Variants in SRRM4 observed in about 807,000 individuals in gnomAD.
SRRM4 encodes the protein serine/arginine repetitive matrix protein 4.
In SRRM4, 33 loss-of-function variants were observed where a neutral mutation model predicts 68.9. The ratio of observed to expected loss-of-function variants is 0.48; its 90% CI spans 0.36 to 0.64. The LOEUF (loss-of-function observed/expected upper bound fraction) is 0.64. Ranked by LOEUF, SRRM4 falls within the 30% of genes least tolerant of loss-of-function variation. The pLI is 0.00. For synonymous variants in SRRM4, 318 were observed against 318.8 expected, an observed-to-expected ratio of 1.00 and a Z score of 0.03; for missense variants, 817 against 827.1, an observed-to-expected ratio of 0.99 and a Z score of 0.15.
intron 1 of SRRM4, among the ~76,000 whole-genome samples, chr12:119,041,103 A>C (rs939063281): frequency 6.6e-6 from 1 of 152,110 alleles, no homozygotes; most frequent in East Asian, 1.9e-4. Context: ...TAAGTTTCTT[A>C]CATATATAAG....
At chr12:119,078,164 G>C (rs1477232270) in intron 1 of SRRM4, among the ~76,000 whole-genome samples, 4 of 152,096 alleles carry the variant, frequency 2.6e-5, no homozygotes, top group Non-Finnish European at 5.9e-5. Context: ...TCATGACTTT[G>C]GGAAAACTAT....
At position 119,125,371 on chromosome 12, in the gene SRRM4, TC is replaced by T. The variant is rs1277757018; in HGVS notation, c.516-4del. The T allele has an allele frequency of 3.1e-6, 5 of 1,608,936 alleles. No homozygotes were observed. The African/African-American group carries it at 4.0e-5, about 13-fold the overall frequency. On this transcript the variant is annotated splice_polypyrimidine_tract_variant and intron_variant, in intron 6 of 12. Coordinates refer to ENST00000267260, the MANE Select transcript of SRRM4 (RefSeq NM_194286.4). Reference sequence around the variant, plus strand: ...CTCTCCTCTGACTCGTTCCTTCTCATCCCCCCAAGATCTCGAAGCCGGCCCC... The same window carrying T: ...CTCTCCTCTGACTCGTTCCTTCTCATCCCCCAAGATCTCGAAGCCGGCCCC...
At chr12:119,080,540 A>C (rs1198519695) in intron 1 of SRRM4, among the ~76,000 whole-genome samples, 2 of 152,184 alleles carry the variant, frequency 1.3e-5, no homozygotes, top group Non-Finnish European at 1.5e-5. Context: ...TCAAGTCCTG[A>C]TGTTAATTCC....
chr12:119,130,606 G>A, intron 7 of SRRM4, 72 bp from the exon 8 acceptor site: 1 of 1,448,898 alleles, frequency 6.9e-7, no homozygotes, highest in Non-Finnish European at 9.3e-7. Flanking sequence ...CTCAGATCCT[G>A]TTGGTCCTGC....
intron 2 of SRRM4, among the ~76,000 whole-genome samples, chr12:119,112,276 C>T (rs1339928472): frequency 1.3e-5 from 2 of 152,028 alleles, no homozygotes; most frequent in African/African-American, 4.8e-5. Context: ...GTCAGAATGG[C>T]AATTATTAAA....
intron 1 of SRRM4, among the ~76,000 whole-genome samples, chr12:119,043,926 C>A (rs1044638091): frequency 6.6e-6 from 1 of 152,028 alleles, no homozygotes; most frequent in Non-Finnish European, 1.5e-5. Flanking sequence ...AGTGCAATGG[C>A]GCGATCTCAG....
chr12:119,040,171 A>T (rs1343074379), intron 1 of SRRM4, among the ~76,000 whole-genome samples: 1 of 151,902 alleles, frequency 6.6e-6, no homozygotes, highest in East Asian at 1.9e-4. Context: ...AATAATAATA[A>T]TAGCAGCTAC....
At chr12:119,076,747 A>T (rs1010939201) in intron 1 of SRRM4, among the ~76,000 whole-genome samples, 5 of 152,192 alleles carry the variant, frequency 3.3e-5, no homozygotes, top group African/African-American at 1.2e-4. Context: ...GCTCTCAGGG[A>T]GGTGGAAGCC....
intron 2 of SRRM4, among the ~76,000 whole-genome samples, chr12:119,113,282 A>T (rs1053156327): frequency 1.3e-5 from 2 of 152,226 alleles, no homozygotes; most frequent in African/African-American, 4.8e-5. Context: ...GGTAATTTCC[A>T]GATGATTGGC....
At chr12:119,079,928 G>A (rs1953938156) in intron 1 of SRRM4, among the ~76,000 whole-genome samples, 1 of 151,414 alleles carries the variant, frequency 6.6e-6, no homozygotes. Flanking sequence ...TTGTAATTAA[G>A]AAGGCATTGT....
intron 1 of SRRM4, among the ~76,000 whole-genome samples, chr12:119,080,528 A>C (rs1375700250): frequency 1.3e-5 from 2 of 152,120 alleles, no homozygotes; most frequent in East Asian, 3.9e-4. Flanking sequence ...AAGTGGCTCG[A>C]CTCAAGTCCT....
chr12:119,028,329 A>G (rs774317163), intron 1 of SRRM4, among the ~76,000 whole-genome samples: 3 of 152,206 alleles, frequency 2.0e-5, no homozygotes, highest in Middle Eastern at 6.8e-3. Flanking sequence ...AGCTCCCACA[A>G]TTCCCATGTA....
rs112669332 is a variant in SRRM4, at chr12:119,141,436, G to C, written c.772-3945G>C. Among the ~76,000 whole-genome samples the C allele has an allele frequency of 1.7e-3, 254 of 151,936 alleles. 2 individuals are homozygous for C. The highest frequency in any genetic ancestry group is 5.6e-3 in the African/African-American group (230 of 41,432). ...AATATTTGATTCTAGAGGTTCTCTC[G>C]AGCTCACACACCCAGCCGAGCTGGT... On this transcript the variant is annotated intron_variant, in intron 8 of 12. Transcript: ENST00000267260.
intron 2 of SRRM4, among the ~76,000 whole-genome samples, chr12:119,109,661 A>T (rs1489744455): frequency 1.3e-5 from 2 of 152,112 alleles, no homozygotes; most frequent in Admixed American, 6.5e-5. Flanking sequence ...CATGATTTTC[A>T]GCTCCATCAG....
chr12:119,087,387 A>G (rs1215585552), intron 1 of SRRM4, among the ~76,000 whole-genome samples: 3 of 152,226 alleles, frequency 2.0e-5, no homozygotes, highest in Non-Finnish European at 4.4e-5. Flanking sequence ...AGGAGGAAAA[A>G]GGAGTGGAAA....
intron 1 of SRRM4, among the ~76,000 whole-genome samples, chr12:119,015,648 A>G (rs77201650): frequency 5.5e-4 from 83 of 152,018 alleles, no homozygotes; most frequent in African/African-American, 2.0e-3. Context: ...ATTGTATTTG[A>G]TTGTATAGAT....
At chr12:119,021,052 T>A (rs1181972039) in intron 1 of SRRM4, among the ~76,000 whole-genome samples, 1 of 152,130 alleles carries the variant, frequency 6.6e-6, no homozygotes, top group African/African-American at 2.4e-5. Flanking sequence ...GAGCCTTAGT[T>A]TCCTCAAAAC....
chr12:119,010,656 T>A (rs973570923), intron 1 of SRRM4, among the ~76,000 whole-genome samples: 1 of 152,196 alleles, frequency 6.6e-6, no homozygotes, highest in African/African-American at 2.4e-5. Flanking sequence ...TTATCAAAAA[T>A]TTTAAAAAAT....
intron 1 of SRRM4, among the ~76,000 whole-genome samples, chr12:119,015,770 A>G (rs543773381): frequency 7.9e-5 from 12 of 152,128 alleles, no homozygotes; most frequent in African/African-American, 2.9e-4. Context: ...TCCTCATCCC[A>G]GGCTTAGAGT....
Sources: allele counts gnomAD v4.1 joint callset (sites outside exome capture counted in the v4.1 genomes callset), GRCh38; gene constraint gnomAD v4.1.1; transcripts MANE v1.5; gene names NCBI Gene and HGNC (gene_info 2026-07-23, HGNC 2026-07-21).